The following PLA2G4C variants were observed in gnomAD, a reference collection of about 807,000 sequenced individuals.
The protein encoded by PLA2G4C is cytosolic phospholipase A2 gamma.
In PLA2G4C, 64 loss-of-function variants were observed where a neutral mutation model predicts 73.8. The observed-to-expected ratio is 0.87, with a 90% CI of 0.71 to 1.07. The LOEUF is 1.07. Ranked by LOEUF, PLA2G4C falls within the 50% of genes least tolerant of loss-of-function variation. The pLI, the probability that PLA2G4C is intolerant of heterozygous loss-of-function variation, is 0.00. For synonymous variants in PLA2G4C, 254 were observed against 252.1 expected, an observed-to-expected ratio of 1.01 and a Z score of -0.07; for missense variants, 622 against 665.4, an observed-to-expected ratio of 0.93 and a Z score of 0.72.
chr19:48,063,321 C>G (rs1217687011), intron 13 of PLA2G4C, among the ~76,000 whole-genome samples: 1 of 152,134 alleles, frequency 6.6e-6, no homozygotes. Context: ...GCATTACAGG[C>G]GTGAGCCACG....
At chr19:48,054,481 T>A (rs1186592109) in intron 15 of PLA2G4C, among the ~76,000 whole-genome samples, 1 of 150,324 alleles carries the variant, frequency 6.7e-6, no homozygotes, top group African/African-American at 2.5e-5. Context: ...TTATTTTTTT[T>A]TGTTGTTGTA....
Position 48,104,663 on chromosome 19 carries a change from C to T in PLA2G4C, c.182G>A (p.Gly61Glu). ...CTGTTCTTTCATCTCACTCAGGACCCCAAGGCAGGCAATGTGAGCCCGCAG... is the reference window on the plus strand; with the variant it reads ...CTGTTCTTTCATCTCACTCAGGACCTCAAGGCAGGCAATGTGAGCCCGCAG... ...GGLRAHIACLGVLSEMKEQGL... is the reference protein window; with the variant it reads ...GGLRAHIACLEVLSEMKEQGL... Residue 61 changes from glycine to glutamate, a missense_variant, in exon 4 of 17, where the codon GGG (glycine) becomes GAG (glutamate). Physicochemically the swap from Gly to Glu is moderately conservative, Grantham distance 98. Transcript: ENST00000599921. 1 of 1,614,072 alleles carries T rather than the reference C, an allele frequency of 6.2e-7. No individual in the cohort carries two copies. The highest frequency in any genetic ancestry group is 8.5e-7 in the Non-Finnish European group (1 of 1,179,970).
Position 48,048,210 on chromosome 19 carries a change from C to T in PLA2G4C, c.*133G>A. The stretch of plus-strand genomic sequence containing the variant: ...TCTAGCTGGTCACTGGTGATTGGCC[C>T]TGTTAGGACAGCCAAGGTGAACTCA... On this transcript the variant is annotated 3_prime_UTR_variant, in exon 17 of 17. Transcript: ENST00000599921. 6 of 653,972 alleles carry T rather than the reference C, an allele frequency of 9.2e-6. No individual in the cohort carries two copies. Among genetic ancestry groups the T allele is most frequent in the Non-Finnish European group, 1.6e-5 (6 of 378,120 alleles). 40.5% of individuals were successfully genotyped at this position (653,972 alleles called of 1,614,324 possible). A position where few individuals can be genotyped will look rare whatever the true frequency, so the allele number is the denominator to read the frequency against.
intron 12 of PLA2G4C, among the ~76,000 whole-genome samples, chr19:48,073,890 AG>A (rs2029955617): frequency 6.6e-6 from 1 of 152,092 alleles, no homozygotes; most frequent in Admixed American, 6.6e-5. Flanking sequence ...GCCATTCATG[AG>A]GGATCCGCCC....
intron 7 of PLA2G4C, among the ~76,000 whole-genome samples, chr19:48,093,079 C>T (rs563250328): frequency 2.1e-4 from 32 of 152,076 alleles, no homozygotes; most frequent in Non-Finnish European, 8.8e-5. Context: ...ATCTCTGATG[C>T]CCAAGACCAG....
intron 1 of PLA2G4C, among the ~76,000 whole-genome samples, chr19:48,108,507 C>T (rs1450510838): frequency 1.3e-5 from 2 of 152,146 alleles, no homozygotes; most frequent in African/African-American, 4.8e-5. Flanking sequence ...ATAAATCATG[C>T]GACCCCTGGT....
rs1491313107 is a variant in PLA2G4C at position 48,101,126 on chromosome 19, A to ATATATATAT, written c.258-1267_258-1266insATATATATA. 5.3e-3 allele frequency among the ~76,000 whole-genome samples: 391 copies of ATATATATAT among 74,116 alleles called. 1 individual carries two copies. The highest frequency in any genetic ancestry group is 6.6e-3 in the Non-Finnish European group (269 of 40,628). 48.6% of individuals were successfully genotyped at this position (74,116 alleles called of 152,430 possible). A position where few individuals can be genotyped will look rare whatever the true frequency, so the allele number is the denominator to read the frequency against. On this transcript the variant is annotated intron_variant, in intron 4 of 16. Coordinates refer to ENST00000599921, the MANE Select transcript of PLA2G4C (RefSeq NM_003706.3). Reference sequence around the variant, plus strand: ...AGTCTATATATATATATATATATATATTTTTTTTTTTTTTTTTGAGACAGG... The same window carrying ATATATATAT: ...AGTCTATATATATATATATATATATATATATATATTTTTTTTTTTTTTTTTTGAGACAGG...
At chr19:48,097,975 G>A (rs1285698228) in intron 6 of PLA2G4C, 164 bp downstream of exon 6, 16 of 696,714 alleles carry the variant, frequency 2.3e-5, no homozygotes, top group Non-Finnish European at 3.8e-5. Flanking sequence ...TCACTTCTGG[G>A]ACTTCCCTCT....
intron 10 of PLA2G4C, among the ~76,000 whole-genome samples, chr19:48,083,392 C>CTTTTTTTTTTTTTTTTTGTTTTTTTTTTT (rs2030748245): frequency 3.8e-5 from 4 of 105,832 alleles, no homozygotes; most frequent in Non-Finnish European, 7.7e-5. Context: ...ATTTTCTTTT[C>CTTTTTTTTTTTTTTTTTGTTTTTTTTTTT]TTTTTTTTTT....
intron 9 of PLA2G4C, among the ~76,000 whole-genome samples, chr19:48,086,394 C>G (rs1156297238): frequency 6.6e-6 from 1 of 152,164 alleles, no homozygotes; most frequent in Non-Finnish European, 1.5e-5. Flanking sequence ...AGAAACATTC[C>G]TCTCTGGATT....
At chr19:48,058,449 C>T (rs1025929710) in intron 14 of PLA2G4C, among the ~76,000 whole-genome samples, 4 of 152,250 alleles carry the variant, frequency 2.6e-5, no homozygotes, top group South Asian at 2.1e-4. Context: ...CTTTTCTACA[C>T]ATAAAACAGA....
At chr19:48,110,389 G>A in intron 1 of PLA2G4C, 98 bp downstream of exon 1, 1 of 721,310 alleles carries the variant, frequency 1.4e-6, no homozygotes, top group South Asian at 2.7e-5. Context: ...AAATAAAAAA[G>A]AAAAAGAAAT....
chr19:48,101,839 T>A (rs1226072221), intron 4 of PLA2G4C, among the ~76,000 whole-genome samples: 1 of 151,760 alleles, frequency 6.6e-6, no homozygotes, highest in Non-Finnish European at 1.5e-5. Context: ...CACACCCAGC[T>A]AATTTTTGTA....
At chr19:48,057,477 C>CTT (rs1265460823) in intron 14 of PLA2G4C, among the ~76,000 whole-genome samples, 2 of 16,884 alleles carry the variant, frequency 1.2e-4, no homozygotes, top group Admixed American at 1.1e-3. Flanking sequence ...TCTTCTTCTT[C>CTT]TTCTTCTTTT....
chr19:48,100,498 A>G (rs12975454), intron 4 of PLA2G4C, among the ~76,000 whole-genome samples: 42,840 of 150,862 alleles, frequency 0.28, 9,696 homozygotes, highest in African/African-American at 0.64. Context: ...CCAGCTGCTC[A>G]GGAGGCTGAA....
chr19:48,106,576 G>A lies in PLA2G4C; in HGVS notation c.-32-15C>T. The A allele has an allele frequency of 6.2e-7, 1 of 1,609,852 alleles. No homozygotes were observed. Among genetic ancestry groups the A allele is most frequent in the East Asian group, 2.2e-5 (1 of 44,862 alleles). On this transcript the variant is annotated splice_polypyrimidine_tract_variant and intron_variant, in intron 1 of 16. Transcript: ENST00000599921. ...TCTCAGTCCTCCTGCCAAAGAAATG[G>A]CTCTTCTTAGTCCTGTGCCCACTGT...
At chr19:48,092,839 A>T (rs2031382227) in intron 7 of PLA2G4C, among the ~76,000 whole-genome samples, 1 of 152,204 alleles carries the variant, frequency 6.6e-6, no homozygotes, top group Non-Finnish European at 1.5e-5. Context: ...GATGGCAGTG[A>T]TGGTTGCACA....
intron 11 of PLA2G4C, 99 bp downstream of exon 11, chr19:48,077,672 A>G (rs181410917): frequency 2.3e-6 from 2 of 880,144 alleles, no homozygotes; most frequent in African/African-American, 1.7e-5. Flanking sequence ...GGAGCACCAC[A>G]TGAATCAGAC....
At chr19:48,063,782 C>A (rs1418541652) in intron 13 of PLA2G4C, 1 of 151,550 alleles carries the variant, frequency 6.6e-6, no homozygotes, top group South Asian at 2.1e-4. Flanking sequence ...AATATCCACC[C>A]AGAGCTTAAG....
Sources: gnomAD v4.1 joint callset for allele counts (sites outside exome capture counted in the v4.1 genomes callset) on GRCh38, gnomAD v4.1.1 for gene constraint, MANE v1.5 for transcripts, NCBI Gene and HGNC (gene_info 2026-07-23, HGNC 2026-07-21) for gene names.